LRP1B: variants seen among roughly 807,000 people sequenced by gnomAD.
LRP1B encodes LDL receptor related protein 1B.
Under a neutral mutation model 556.6 loss-of-function variants are expected in LRP1B, and 217 were observed. That is an observed-to-expected ratio of 0.39 (90% CI 0.35 to 0.44). LRP1B has a LOEUF of 0.44. LRP1B is among the 20% of genes least tolerant of loss of function. LRP1B has a pLI of 1.00. For synonymous variants in LRP1B, 2,047 were observed against 1,865.8 expected (o/e 1.10, Z -2.50); for missense variants, 5,053 against 5,620.8 (o/e 0.90, Z 3.23).
intron 2 of LRP1B, among the ~76,000 whole-genome samples, chr2:141,585,890 T>A (rs1687120657): frequency 6.6e-6 from 1 of 151,588 alleles, no homozygotes; most frequent in Admixed American, 6.6e-5. Flanking sequence ...GTGCACTTTT[T>A]TTTTTTTTTT....
chr2:142,038,891 T>C (rs998293433), intron 1 of LRP1B, among the ~76,000 whole-genome samples: 4 of 151,750 alleles, frequency 2.6e-5, no homozygotes, highest in Non-Finnish European at 5.9e-5. Flanking sequence ...AGTGGCCTTG[T>C]TGCTAAAACA....
intron 4 of LRP1B, among the ~76,000 whole-genome samples, chr2:141,254,237 T>C (rs1026534018): frequency 6.6e-6 from 1 of 152,056 alleles, no homozygotes; most frequent in Non-Finnish European, 1.5e-5. Flanking sequence ...ATACAACATA[T>C]AGGAAGTTAA....
intron 1 of LRP1B, among the ~76,000 whole-genome samples, chr2:141,868,299 C>G (rs1242008408): frequency 1.3e-5 from 2 of 152,006 alleles, no homozygotes; most frequent in Admixed American, 1.3e-4. Context: ...GATTGCCAAT[C>G]CCACTTCTGT....
rs529622356 is a variant in LRP1B, at chr2:141,813,292, G to A, written c.83-2891C>T. On this transcript the variant is annotated intron_variant, in intron 1 of 90. Coordinates refer to ENST00000389484, the MANE Select transcript of LRP1B (RefSeq NM_018557.3). ...AAGATAAACCTTATTGAGAAAAATA[G>A]AACAGAGATGGGGACTGACGGTTAG... Among the ~76,000 whole-genome samples, 246 of 152,286 alleles carry A rather than the reference G, an allele frequency of 1.6e-3. 1 individual carries two copies. Among genetic ancestry groups the A allele is most frequent in the Non-Finnish European group, 2.8e-3 (188 of 68,030 alleles).
chr2:141,488,294 T>C (rs1432518868), intron 2 of LRP1B, among the ~76,000 whole-genome samples: 1 of 152,180 alleles, frequency 6.6e-6, no homozygotes, highest in Non-Finnish European at 1.5e-5. Flanking sequence ...TGTAAAGCTA[T>C]CACCAAATTT....
intron 3 of LRP1B, among the ~76,000 whole-genome samples, chr2:141,474,423 C>T (rs2105076585): frequency 8.5e-6 from 1 of 117,904 alleles, no homozygotes; most frequent in Non-Finnish European, 2.0e-5. Context: ...TTTTTTAGCA[C>T]TTTTCATAAG....
chr2:140,485,883 A>ACACAC (rs1553473140), intron 58 of LRP1B, among the ~76,000 whole-genome samples: 1 of 150,792 alleles, frequency 6.6e-6, no homozygotes, highest in Non-Finnish European at 1.5e-5. Flanking sequence ...ACACACACAC[A>ACACAC]AACTTAGAGA....
At chr2:140,999,249 A>G (rs1037827289) in intron 15 of LRP1B, among the ~76,000 whole-genome samples, 2 of 152,118 alleles carry the variant, frequency 1.3e-5, no homozygotes, top group African/African-American at 4.8e-5. Context: ...ATTAGAAGAT[A>G]TAGCAGAATT....
At chr2:142,044,765 T>G (rs767513382) in intron 1 of LRP1B, among the ~76,000 whole-genome samples, 6 of 143,384 alleles carry the variant, frequency 4.2e-5, no homozygotes, top group Non-Finnish European at 9.2e-5. Context: ...AGCACTCTGA[T>G]ACAGAAACAC....
chr2:141,345,878 C>T (rs546167729), intron 3 of LRP1B, among the ~76,000 whole-genome samples: 72 of 151,850 alleles, frequency 4.7e-4, no homozygotes, highest in Non-Finnish European at 9.4e-4. Context: ...CTCTAATTTT[C>T]TTTGTTTTTT....
In LRP1B at chr2:141,568,682, G is replaced by A. The variant is rs183971091; in HGVS notation, c.206-88149C>T. ...ACTATATACTTTTATTAAGCAAAACGTAATATAAAGTAATTTTTCTATATG... is the reference window on the plus strand; with the variant it reads ...ACTATATACTTTTATTAAGCAAAACATAATATAAAGTAATTTTTCTATATG... On this transcript the variant is annotated intron_variant, in intron 2 of 90. Transcript: ENST00000389484. Among the ~76,000 whole-genome samples the A allele has an allele frequency of 2.5e-4, 37 of 148,586 alleles. No homozygotes were observed. In the East Asian group the frequency reaches 5.8e-3, roughly 23 times the overall value.
chr2:140,288,231 A>C (rs1683237920), intron 84 of LRP1B, among the ~76,000 whole-genome samples: 1 of 151,644 alleles, frequency 6.6e-6, no homozygotes, highest in South Asian at 2.1e-4. Context: ...ATAAGGATAA[A>C]TACCAAATGT....
intron 1 of LRP1B, among the ~76,000 whole-genome samples, chr2:141,949,547 G>A (rs924420694): frequency 6.6e-6 from 1 of 152,050 alleles, no homozygotes; most frequent in Non-Finnish European, 1.5e-5. Context: ...TCACCACCAT[G>A]CCCAGCTAAT....
At chr2:140,980,722 C>A (rs1293656450) in intron 18 of LRP1B, among the ~76,000 whole-genome samples, 2 of 152,166 alleles carry the variant, frequency 1.3e-5, no homozygotes, top group Non-Finnish European at 2.9e-5. Flanking sequence ...ACCATTTGAT[C>A]CAGCAATCCC....
At chr2:140,391,597 T>C (rs1469955697) in intron 66 of LRP1B, among the ~76,000 whole-genome samples, 11 of 152,140 alleles carry the variant, frequency 7.2e-5, no homozygotes, top group Admixed American at 7.2e-4. Context: ...AAAATATTGT[T>C]CATTTAGTCC....
Position 141,441,004 on chromosome 2 carries a change from C to T in LRP1B, c.343+39392G>A, listed in dbSNP as rs916622455. ...CCCACCCTCAGACCCTGCCCCACAA[C>T]AAAAAATTATCTAGCTCAAAATGTC... On this transcript the variant is annotated intron_variant, in intron 3 of 90. Coordinates refer to ENST00000389484, the MANE Select transcript of LRP1B (RefSeq NM_018557.3). 4.7e-5 allele frequency among the ~76,000 whole-genome samples: 7 copies of T among 148,186 alleles called. No individual in the cohort carries two copies. In the South Asian group the frequency reaches 1.1e-3, roughly 24 times the overall value.
At chr2:141,278,729 A>G (rs1345666367) in intron 3 of LRP1B, among the ~76,000 whole-genome samples, 1 of 152,154 alleles carries the variant, frequency 6.6e-6, no homozygotes, top group Admixed American at 6.6e-5. Flanking sequence ...ACAATTCCAT[A>G]CATTCAAGTC....
chr2:141,985,335 G>T (rs1702156698), intron 1 of LRP1B, among the ~76,000 whole-genome samples: 1 of 152,136 alleles, frequency 6.6e-6, no homozygotes. Context: ...ATGCAAAGGA[G>T]CTTGAAAACT....
intron 2 of LRP1B, among the ~76,000 whole-genome samples, chr2:141,531,296 G>T (rs2105191993): frequency 7.1e-6 from 1 of 140,896 alleles, no homozygotes; most frequent in South Asian, 2.3e-4. Context: ...TCCTCATATA[G>T]TTCTGACTCT....
Sources: gnomAD v4.1 joint callset for allele counts (sites outside exome capture counted in the v4.1 genomes callset) on GRCh38, gnomAD v4.1.1 for gene constraint, MANE v1.5 for transcripts, NCBI Gene and HGNC (gene_info 2026-07-23, HGNC 2026-07-21) for gene names.